The following DNAH3 variants were observed in gnomAD, a reference collection of about 807,000 sequenced individuals.
The protein encoded by DNAH3 is dynein axonemal heavy chain 3.
Under a neutral mutation model 432.5 loss-of-function variants are expected in DNAH3, and 332 were observed. That is an observed-to-expected ratio of 0.77 (90% CI 0.70 to 0.84). The LOEUF is 0.84. DNAH3 is among the 40% of genes least tolerant of loss of function. DNAH3 has a pLI of 0.00. For missense variants in DNAH3, 4,861 were observed against 5,114.0 expected (o/e 0.95, Z 1.51); for synonymous variants, 1,956 against 1,900.2 (o/e 1.03, Z -0.76).
chr16:21,121,428 A>T (rs16970915), intron 10 of DNAH3, among the ~76,000 whole-genome samples: 7 of 151,986 alleles, frequency 4.6e-5, no homozygotes, highest in African/African-American at 1.7e-4. Context: ...AGCACACAGA[A>T]GAGTGAAACT....
exon 29 of DNAH3, chr16:21,051,702 C>T: frequency 1.2e-6 from 2 of 1,613,514 alleles, no homozygotes; most frequent in South Asian, 2.2e-5. Context: ...GTGTGATCAC[C>T]AGCCGGGGGG....
chr16:21,141,264 G>A (rs776877919), intron 4 of DNAH3, 36 bp downstream of exon 5: 68 of 1,470,916 alleles, frequency 4.6e-5, no homozygotes, highest in African/African-American at 7.0e-5. Context: ...TCAGCCCACC[G>A]TCCTGCCTTC....
chr16:21,142,862 C>T (rs2092738532), intron 3 of DNAH3, among the ~76,000 whole-genome samples: 2 of 152,082 alleles, frequency 1.3e-5, no homozygotes, highest in Non-Finnish European at 2.9e-5. Flanking sequence ...TCATGTTACC[C>T]AGGCTGGTCT....
chr16:21,147,547 A>G (rs1278496825), intron 1 of DNAH3, among the ~76,000 whole-genome samples: 1 of 152,222 alleles, frequency 6.6e-6, no homozygotes, highest in Non-Finnish European at 1.5e-5. Context: ...GCAAAATTCC[A>G]AAGAGAAATT....
chr16:21,146,620 T>G lies in DNAH3; in HGVS notation c.118-532A>C, dbSNP rs139432293. Among the ~76,000 whole-genome samples the G allele has an allele frequency of 9.3e-4, 142 of 152,328 alleles. 1 individual carries two copies. Among genetic ancestry groups the G allele is most frequent in the South Asian group, 3.9e-3 (19 of 4,828 alleles). On this transcript the variant is annotated intron_variant, in intron 1 of 61. Coordinates refer to ENST00000261383, the Ensembl canonical transcript of DNAH3. ...CTTTGCAGTGAGAACACATCTACTC[T>G]CATAGCGTTGTTCAAGAATACAATA...
At chr16:21,118,893 C>A (rs1411393364) in intron 11 of DNAH3, among the ~76,000 whole-genome samples, 1 of 152,198 alleles carries the variant, frequency 6.6e-6, no homozygotes, top group Non-Finnish European at 1.5e-5. Flanking sequence ...TTCCATTGTC[C>A]TCTCTGCTAA....
intron 1 of DNAH3, among the ~76,000 whole-genome samples, chr16:21,154,047 C>T (rs78847386): frequency 6.6e-6 from 1 of 152,152 alleles, no homozygotes; most frequent in African/African-American, 2.4e-5. Flanking sequence ...TATCAGGTCT[C>T]CTATACTGGG....
rs1282766587 is a variant in DNAH3 at position 21,097,464 on chromosome 16, CTCCTTT to C, written c.2550_2555del (p.Glu852_Lys853del). The C allele has an allele frequency of 2.5e-6, 4 of 1,613,952 alleles. No homozygotes were observed. In the Admixed American group the frequency reaches 6.7e-5, roughly 27 times the overall value. ...CCTGCAGAAGAGGGTAAGTACTCTT[CTCCTTT>C]TCCAATAGCTCTTCCTCCTTATTGA... On this transcript the variant is annotated inframe_deletion, in exon 18 of 62. Transcript: ENST00000261383.
At chr16:20,935,547 AGTAAT>A in intron 60 of DNAH3, 62 bp from the exon 61 acceptor site, 7 of 1,563,294 alleles carry the variant, frequency 4.5e-6, no homozygotes, top group Non-Finnish European at 6.1e-6. Context: ...TTCAAATGCA[AGTAAT>A]GTAACGAGTA....
chr16:21,056,164 G>A (rs955508086), intron 27 of DNAH3, among the ~76,000 whole-genome samples: 3 of 152,084 alleles, frequency 2.0e-5, no homozygotes, highest in Non-Finnish European at 4.4e-5. Flanking sequence ...ATTATAGACC[G>A]AAGTGTCTTC....
intron 58 of DNAH3, among the ~76,000 whole-genome samples, chr16:20,944,224 A>G (rs1275146315): frequency 6.6e-6 from 1 of 152,116 alleles, no homozygotes; most frequent in Non-Finnish European, 1.5e-5. Flanking sequence ...AATAAAACCC[A>G]TTATGTAAAT....
chr16:21,004,321 C>T (rs1328084072), intron 41 of DNAH3, among the ~76,000 whole-genome samples: 1 of 152,114 alleles, frequency 6.6e-6, no homozygotes, highest in African/African-American at 2.4e-5. Flanking sequence ...TACCTCCAAC[C>T]AGCAACATAT....
At chr16:20,969,262 G>C (rs1680044918) in intron 52 of DNAH3, among the ~76,000 whole-genome samples, 3 of 150,996 alleles carry the variant, frequency 2.0e-5, no homozygotes, top group South Asian at 2.1e-4. Context: ...GTCTATATGT[G>C]CATGTCTCTG....
chr16:21,051,512 A>G (rs1240069515), intron 29 of DNAH3, among the ~76,000 whole-genome samples, 158 bp downstream of exon 29: 3 of 152,132 alleles, frequency 2.0e-5, no homozygotes, highest in African/African-American at 7.2e-5. Context: ...TAGCCTGAAG[A>G]CCTAGTTTGC....
chr16:21,017,765 T>G (rs141477460), intron 41 of DNAH3, among the ~76,000 whole-genome samples: 1 of 152,304 alleles, frequency 6.6e-6, no homozygotes, highest in East Asian at 1.9e-4. Flanking sequence ...AAATGAAGTG[T>G]GCAAGCTGTG....
Position 21,097,506 on chromosome 16 carries a change from G to T in DNAH3, c.2521-7C>A. The T allele has an allele frequency of 6.2e-7, 1 of 1,612,398 alleles. No individual in the cohort carries two copies. On this transcript the variant is annotated splice_polypyrimidine_tract_variant and splice_region_variant and intron_variant, in intron 17 of 61. Transcript: ENST00000261383. ...CTTCCTCCTTATTGATCAACTGCAG[G>T]GCAAAAGGAGATGCTGTTTATGGGA... is the stretch of plus-strand genomic sequence containing the variant.
chr16:20,947,157 A>C (rs2084085816), intron 57 of DNAH3, among the ~76,000 whole-genome samples: 1 of 151,746 alleles, frequency 6.6e-6, no homozygotes, highest in Non-Finnish European at 1.5e-5. Flanking sequence ...ACCTAGAGAG[A>C]GAGGGTGCTG....
At chr16:21,065,458 G>T (rs961801601) in intron 24 of DNAH3, among the ~76,000 whole-genome samples, 1 of 152,056 alleles carries the variant, frequency 6.6e-6, no homozygotes, top group Non-Finnish European at 1.5e-5. Flanking sequence ...ACCACGCCTG[G>T]TCTATTATTC....
In DNAH3 at chr16:20,992,948, C is replaced by A. The variant is rs565491120; in HGVS notation, c.6601+4335G>T. The stretch of plus-strand genomic sequence containing the variant: ...TGGTGTGGTCTCAGCTCACTGCAAC[C>A]TTTACCACCCAGGTTCAAGCAATTC... On this transcript the variant is annotated intron_variant, in intron 44 of 61. Transcript: ENST00000261383. Among the ~76,000 whole-genome samples the A allele has an allele frequency of 6.6e-5, 10 of 152,248 alleles. 1 individual carries two copies. The East Asian group carries it at 1.5e-3, about 23-fold the overall frequency.
Sources: gnomAD v4.1 joint callset for allele counts (sites outside exome capture counted in the v4.1 genomes callset) on GRCh38, gnomAD v4.1.1 for gene constraint, MANE v1.5 for transcripts, NCBI Gene and HGNC (gene_info 2026-07-23, HGNC 2026-07-21) for gene names.